CD274: variants seen among roughly 807,000 people sequenced by gnomAD.
CD274 encodes CD274 molecule, also known as programmed cell death 1 ligand 1.
In CD274, 8 loss-of-function variants were observed where a neutral mutation model predicts 30.1. The observed-to-expected ratio is 0.27, with a 90% confidence interval of 0.16 to 0.48. The LOEUF is 0.48. Ranked by LOEUF, CD274 falls within the 20% of genes least tolerant of loss-of-function variation. The pLI is 0.99. For missense variants in CD274, 353 were observed against 346.6 expected (o/e 1.02, Z -0.15); for synonymous variants, 152 against 124.6 (o/e 1.22, Z -1.46).
In CD274 at chr9:5,465,522, A is replaced by C. The variant is rs1563805801; in HGVS notation, c.706A>C (p.Asn236His). ...IPELPLAHPPNERTHLVILGA... is the reference protein window; with the variant it reads ...IPELPLAHPPHERTHLVILGA... ...AGAACTACCTCTGGCACATCCTCCA[A>C]ATGAAAGGACTCACTTGGTAATTCT... is the stretch of plus-strand genomic sequence containing the variant. The change falls in exon 5 of 7, where the codon AAT (asparagine) becomes CAT (histidine). Residue 236 changes from asparagine (N) to histidine (H), a missense_variant. Asn to His is a moderately conservative substitution (Grantham distance 68). Coordinates refer to ENST00000381577, the MANE Select transcript of CD274 (RefSeq NM_014143.4). The C allele has an allele frequency of 6.2e-7, 1 of 1,610,212 alleles. No individual in the cohort carries two copies. Among genetic ancestry groups the C allele is most frequent in the Non-Finnish European group, 8.5e-7 (1 of 1,176,648 alleles).
chr9:5,466,543 G>A (rs1449102638), intron 5 of CD274, among the ~76,000 whole-genome samples: 2 of 152,066 alleles, frequency 1.3e-5, no homozygotes, highest in African/African-American at 4.8e-5. Context: ...TCTGGGAAAA[G>A]ATGAAAAATA....
At chr9:5,453,131 A>T (rs1369666198) in intron 1 of CD274, among the ~76,000 whole-genome samples, 1 of 152,142 alleles carries the variant, frequency 6.6e-6, no homozygotes, top group Non-Finnish European at 1.5e-5. Context: ...ACAGGCCTGA[A>T]TGCCATCGCT....
chr9:5,468,164 C>A lies in CD274; in HGVS notation c.*302C>A, dbSNP rs1819528353. The A allele has an allele frequency of 4.6e-6, 2 of 431,356 alleles. No homozygotes were observed. Among genetic ancestry groups the A allele is most frequent in the East Asian group, 3.6e-5 (1 of 28,006 alleles). The allele number at this position is 431,356 out of a possible 1,614,324, so 26.7% of individuals were successfully genotyped here. On this transcript the variant is annotated 3_prime_UTR_variant, in exon 7 of 7. Coordinates refer to ENST00000381577, the MANE Select transcript of CD274 (RefSeq NM_014143.4). ...ACAAGGAGCCTCCAAGCAAATCATC[C>A]ATTGCTCATCCTAGGAAGACGGGTT...
intron 1 of CD274, among the ~76,000 whole-genome samples, chr9:5,453,845 G>A (rs1203809802): frequency 2.6e-5 from 4 of 152,114 alleles, no homozygotes; most frequent in Middle Eastern, 3.2e-3. Flanking sequence ...TGCACTGCAG[G>A]GTGTTTGGCA....
At chr9:5,459,780 T>C (rs1037173838) in intron 3 of CD274, among the ~76,000 whole-genome samples, 5 of 152,140 alleles carry the variant, frequency 3.3e-5, no homozygotes, top group African/African-American at 1.2e-4. Flanking sequence ...TCATTCAGAC[T>C]TTCAGAACCT....
At chr9:5,452,354 T>C (rs1378855760) in intron 1 of CD274, among the ~76,000 whole-genome samples, 2 of 152,228 alleles carry the variant, frequency 1.3e-5, no homozygotes, top group Non-Finnish European at 2.9e-5. Context: ...CTACCCATCC[T>C]ACCCTTGGAA....
chr9:5,451,734 G>C (rs1819207480), intron 1 of CD274, among the ~76,000 whole-genome samples: 1 of 152,212 alleles, frequency 6.6e-6, no homozygotes, highest in Non-Finnish European at 1.5e-5. Context: ...GAGTGTCTCA[G>C]TGTGACTGAG....
At chr9:5,450,670 G>C (rs1333159981) in intron 1 of CD274, 74 bp downstream of exon 1, 3 of 152,290 alleles carry the variant, frequency 2.0e-5, no homozygotes, top group Non-Finnish European at 4.4e-5. Flanking sequence ...CTTTAGGACG[G>C]AGGGTCTCTA....
intron 5 of CD274, 199 bp downstream of exon 5, chr9:5,465,805 A>C: frequency 2.3e-6 from 1 of 440,532 alleles, no homozygotes; most frequent in East Asian, 3.6e-5. Context: ...GAGAATGGGT[A>C]TGGATGGAGG....
intron 3 of CD274, among the ~76,000 whole-genome samples, chr9:5,461,394 A>G (rs10123377): frequency 0.56 from 84,807 of 152,034 alleles, 24,144 homozygotes; most frequent in East Asian, 0.87. Context: ...AGCAACCTAC[A>G]CATAAGAACT....
intron 4 of CD274, among the ~76,000 whole-genome samples, chr9:5,464,175 A>G (rs1819457630): frequency 6.6e-6 from 1 of 152,170 alleles, no homozygotes; most frequent in African/African-American, 2.4e-5. Flanking sequence ...ACGAGTCCTC[A>G]GGTATTGAAC....
intron 3 of CD274, among the ~76,000 whole-genome samples, chr9:5,459,317 G>A (rs1819362612): frequency 6.6e-6 from 1 of 152,158 alleles, no homozygotes; most frequent in South Asian, 2.1e-4. Context: ...GTGGTTTTGG[G>A]ATTGAGTTCA....
chr9:5,457,531 T>C lies in CD274; in HGVS notation c.394+111T>C. 8.9e-6 allele frequency: 7 copies of C among 790,932 alleles called. No homozygotes were observed. The South Asian group carries it at 1.1e-4, about 13-fold the overall frequency. 49.0% of individuals were successfully genotyped at this position (790,932 alleles called of 1,614,324 possible). ...CTTATTTTCAAACAGAACAGCATAG[T>C]CTGTTCATTCATTCATTCAATTCAT... On this transcript the variant is annotated intron_variant, in intron 3 of 6. Transcript: ENST00000381577.
intron 2 of CD274, among the ~76,000 whole-genome samples, chr9:5,456,781 C>T (rs1417921772): frequency 6.6e-6 from 1 of 152,206 alleles, no homozygotes; most frequent in African/African-American, 2.4e-5. Context: ...CCAAGTCTCC[C>T]TGGTTGTAAG....
chr9:5,464,192 T>G lies in CD274; in HGVS notation c.682+1071T>G, dbSNP rs146950547. On this transcript the variant is annotated intron_variant, in intron 4 of 6. Coordinates refer to ENST00000381577, the MANE Select transcript of CD274 (RefSeq NM_014143.4). ...GAGTCCTCAGGTATTGAACTGGCTTTCAGTAAAAGCTAGATTAGTGGGTTC... is the reference window on the plus strand; with the variant it reads ...GAGTCCTCAGGTATTGAACTGGCTTGCAGTAAAAGCTAGATTAGTGGGTTC... 3.7e-4 allele frequency among the ~76,000 whole-genome samples: 56 copies of G among 152,264 alleles called. 1 individual carries two copies. The East Asian group carries it at 6.8e-3, about 18-fold the overall frequency.
At chr9:5,458,416 G>A (rs867871119) in intron 3 of CD274, among the ~76,000 whole-genome samples, 7 of 152,242 alleles carry the variant, frequency 4.6e-5, no homozygotes, top group Non-Finnish European at 8.8e-5. Context: ...CTCCCTAATA[G>A]TAAGCTGAAA....
At chr9:5,450,659 A>T (rs926649962) in intron 1 of CD274, 63 bp downstream of exon 1, 4 of 152,200 alleles carry the variant, frequency 2.6e-5, no homozygotes, top group Admixed American at 2.0e-4. Flanking sequence ...CTCGCTGGGC[A>T]CTTTAGGACG....
chr9:5,457,518 C>G, intron 3 of CD274, 98 bp downstream of exon 3: 1 of 920,614 alleles, frequency 1.1e-6, no homozygotes, highest in Non-Finnish European at 1.7e-6. Flanking sequence ...TATTTTCAAA[C>G]AGAACAGCAT....
At position 5,459,996 on chromosome 9, in the gene CD274, G is replaced by T. The variant is rs938755364; in HGVS notation, c.394+2576G>T. The stretch of plus-strand genomic sequence containing the variant: ...ATATCATATCATACTTTTCTGTTTT[G>T]TTTATTGTCTCTCTCCTCCTAGAAT... On this transcript the variant is annotated intron_variant, in intron 3 of 6. Coordinates refer to ENST00000381577, the MANE Select transcript of CD274 (RefSeq NM_014143.4). 2.1e-5 allele frequency among the ~76,000 whole-genome samples: 3 copies of T among 139,796 alleles called. 1 individual carries two copies. In the South Asian group the frequency reaches 7.0e-4, roughly 32 times the overall value. The allele number at this position is 139,796 out of a possible 152,430, so 91.7% of individuals were successfully genotyped here. A position where few individuals can be genotyped will look rare whatever the true frequency, so the allele number is the denominator to read the frequency against.
Sources: gnomAD v4.1 joint callset for allele counts (sites outside exome capture counted in the v4.1 genomes callset) on GRCh38, gnomAD v4.1.1 for gene constraint, MANE v1.5 for transcripts, NCBI Gene and HGNC (gene_info 2026-07-23, HGNC 2026-07-21) for gene names.